The following IL1RAPL1 variants were observed in gnomAD, a reference collection of about 807,000 sequenced individuals.
The protein encoded by IL1RAPL1 is interleukin-1 receptor accessory protein-like 1.
A neutral mutation model predicts 48.4 loss-of-function variants in IL1RAPL1; 3 were observed. That is an observed-to-expected ratio of 0.06 (90% CI 0.03 to 0.16). IL1RAPL1 has a LOEUF of 0.16. Among genes scored for constraint, IL1RAPL1 ranks in the 10% least tolerant of loss-of-function variants. The pLI is 1.00. For synonymous variants in IL1RAPL1, 185 were observed against 187.7 expected (o/e 0.99, Z 0.12); for missense variants, 349 against 530.6 (o/e 0.66, Z 3.36).
chrX:29,941,442 T>G (rs1933125799), intron 8 of IL1RAPL1, among the ~76,000 whole-genome samples: 1 of 111,916 alleles, frequency 8.9e-6, no homozygotes, highest in African/African-American at 3.3e-5. Flanking sequence ...AGCAACATGG[T>G]TGTCACATAC....
intron 2 of IL1RAPL1, among the ~76,000 whole-genome samples, chrX:28,837,039 G>A (rs1402646776): frequency 9.1e-6 from 1 of 110,201 alleles, no homozygotes; most frequent in Non-Finnish European, 1.9e-5. Context: ...AAAAGAATAA[G>A]TATTGATATT....
intron 2 of IL1RAPL1, among the ~76,000 whole-genome samples, chrX:29,000,849 A>C (rs1212566553): frequency 9.2e-6 from 1 of 108,880 alleles, no homozygotes. Context: ...TTTTTTTCCA[A>C]AAAGGAGACT....
chrX:29,037,954 C>T (rs1374259130), intron 2 of IL1RAPL1, among the ~76,000 whole-genome samples: 1 of 111,367 alleles, frequency 9.0e-6, no homozygotes, highest in Non-Finnish European at 1.9e-5. Flanking sequence ...GGCCTCCTAG[C>T]GCCCTGTCAT....
intron 1 of IL1RAPL1, among the ~76,000 whole-genome samples, chrX:28,664,519 A>C (rs765305171): frequency 1.8e-5 from 2 of 111,431 alleles, no homozygotes; most frequent in African/African-American, 3.3e-5. Context: ...GCTTTAGTGA[A>C]TTTCTTTTTT....
chrX:29,349,181 A>G (rs1425498022), intron 3 of IL1RAPL1, among the ~76,000 whole-genome samples: 2 of 112,425 alleles, frequency 1.8e-5, no homozygotes, highest in Non-Finnish European at 3.8e-5. Flanking sequence ...ATGCTGATAG[A>G]TTGAGTGGGG....
chrX:29,918,153 A>AAAAAAAAAAAAAAAT (rs1569203085), intron 7 of IL1RAPL1, among the ~76,000 whole-genome samples: 1 of 71,275 alleles, frequency 1.4e-5, no homozygotes, highest in African/African-American at 5.7e-5. Context: ...AAATATATAT[A>AAAAAAAAAAAAAAAT]TATATATATA....
intron 3 of IL1RAPL1, among the ~76,000 whole-genome samples, chrX:29,377,772 C>G (rs1188665835): frequency 3.6e-5 from 4 of 111,738 alleles, no homozygotes; most frequent in Non-Finnish European, 7.5e-5. Context: ...TGAGCCCTCT[C>G]TCTAGCTGCC....
chrX:29,133,728 G>A (rs1277471757), intron 2 of IL1RAPL1, among the ~76,000 whole-genome samples: 1 of 111,522 alleles, frequency 9.0e-6, no homozygotes, highest in Non-Finnish European at 1.9e-5. Flanking sequence ...TTCACTTTTT[G>A]TGTTGTACAA....
intron 6 of IL1RAPL1, among the ~76,000 whole-genome samples, chrX:29,880,309 A>G (rs1400544210): frequency 8.9e-6 from 1 of 112,023 alleles, no homozygotes; most frequent in African/African-American, 3.2e-5. Flanking sequence ...ACCTTTGCTT[A>G]TGTTAGAATG....
intron 2 of IL1RAPL1, among the ~76,000 whole-genome samples, chrX:29,224,864 CT>C (rs951670406): frequency 4.5e-5 from 5 of 111,712 alleles, no homozygotes; most frequent in Non-Finnish European, 9.4e-5. Context: ...AAAGTTAAAA[CT>C]TTTTTATGAG....
At chrX:29,739,332 G>T (rs1365555104) in intron 6 of IL1RAPL1, among the ~76,000 whole-genome samples, 1 of 111,828 alleles carries the variant, frequency 8.9e-6, no homozygotes, top group Non-Finnish European at 1.9e-5. Context: ...AACTGAAAAT[G>T]TTCAGAATTT....
intron 2 of IL1RAPL1, among the ~76,000 whole-genome samples, chrX:28,820,282 G>A (rs1426710997): frequency 1.8e-5 from 2 of 108,949 alleles, no homozygotes; most frequent in African/African-American, 6.6e-5. Flanking sequence ...ATAATTAAAT[G>A]ACTATTTTTG....
chrX:29,307,634 T>C lies in IL1RAPL1; in HGVS notation c.362+24417T>C, dbSNP rs184404672. ...ACACAATTGCAAAAGTTTATTTTGA[T>C]AAGTGGAAAACATTGTCATCATTTG... On this transcript the variant is annotated intron_variant, in intron 3 of 10. Transcript: ENST00000378993. Among the ~76,000 whole-genome samples, 833 of 102,565 alleles carry C rather than the reference T, an allele frequency of 8.1e-3. 5 individuals are homozygous for C. The highest frequency in any genetic ancestry group is 0.014 in the Non-Finnish European group (674 of 49,893). 89.1% of individuals were successfully genotyped at this position (102,565 alleles called of 115,157 possible). A position where few individuals can be genotyped will look rare whatever the true frequency, so the allele number is the denominator to read the frequency against.
At chrX:29,040,748 G>A (rs1461206278) in intron 2 of IL1RAPL1, among the ~76,000 whole-genome samples, 1 of 112,066 alleles carries the variant, frequency 8.9e-6, no homozygotes, top group Non-Finnish European at 1.9e-5. Flanking sequence ...TGAAGACCAG[G>A]AAGTGGGTCG....
chrX:28,588,139 C>T (rs1241799993), intron 1 of IL1RAPL1, 92 bp downstream of exon 1: 1 of 108,877 alleles, frequency 9.2e-6, no homozygotes, highest in African/African-American at 3.4e-5. Flanking sequence ...ATTGCTGCAT[C>T]GCATTGATGG....
intron 2 of IL1RAPL1, among the ~76,000 whole-genome samples, chrX:29,217,448 G>GT (rs757173996): frequency 8.9e-6 from 1 of 112,148 alleles, no homozygotes; most frequent in Non-Finnish European, 1.9e-5. Flanking sequence ...AACAACTGTA[G>GT]TTTAACTTCC....
chrX:28,882,520 G>C (rs781059829), intron 2 of IL1RAPL1, among the ~76,000 whole-genome samples: 1 of 111,541 alleles, frequency 9.0e-6, no homozygotes, highest in Admixed American at 9.5e-5. Flanking sequence ...GTGCACACCT[G>C]TAATCCCAGC....
At chrX:29,795,852 G>A (rs1929731677) in intron 6 of IL1RAPL1, among the ~76,000 whole-genome samples, 1 of 112,998 alleles carries the variant, frequency 8.8e-6, no homozygotes, top group South Asian at 3.6e-4. Context: ...TTAAGTGTCT[G>A]CCTCTGCCCA....
In IL1RAPL1 at chrX:29,941,729, A is replaced by G. The variant is rs138267399; in HGVS notation, c.1136A>G (p.Lys379Arg). ...LLLVCLVTIY[K>R]CYKIEIMLFY... ...CTTGTATGTTTGGTGACCATCTACA[A>G]GTGTTACAAGATAGAAATCATGCTC... Residue 379 changes from lysine to arginine, a missense_variant, in exon 9 of 11, where the codon AAG (lysine) becomes AGG (arginine). Physicochemically the swap from Lys to Arg is conservative, Grantham distance 26. This residue lies in a region of IL1RAPL1 where 238 missense variants were observed against 337.8 expected (regional missense o/e 0.70). Transcript: ENST00000378993. 1,008 of 1,206,941 alleles carry G rather than the reference A, an allele frequency of 8.4e-4. 1 individual carries two copies. The highest frequency in any genetic ancestry group is 1.1e-3 in the Non-Finnish European group (946 of 892,337).
Sources: allele counts gnomAD v4.1 joint callset (sites outside exome capture counted in the v4.1 genomes callset), GRCh38; gene constraint gnomAD v4.1.1; regional missense constraint gnomAD v4.1.1; transcripts MANE v1.5; gene names NCBI Gene and HGNC (gene_info 2026-07-23, HGNC 2026-07-21).